Variants in SBNO2 observed in about 807,000 individuals in gnomAD.
SBNO2 encodes the protein strawberry notch homolog 2.
Under a neutral mutation model 146.3 loss-of-function variants are expected in SBNO2, and 89 were observed. The observed-to-expected ratio is 0.61, with a 90% confidence interval of 0.51 to 0.73. SBNO2 has a LOEUF of 0.73. Ranked by LOEUF, SBNO2 falls within the 30% of genes least tolerant of loss-of-function variation. The pLI, the probability that SBNO2 is intolerant of heterozygous loss-of-function variation, is 0.00. For missense variants in SBNO2, 2,092 were observed against 2,003.7 expected, an observed-to-expected ratio of 1.04 and a Z score of -0.84; for synonymous variants, 1,147 against 892.6, an observed-to-expected ratio of 1.29 and a Z score of -5.08.
chr19:1,109,096 C>G lies in SBNO2; in HGVS notation c.3425+39G>C. 1 of 1,544,172 alleles carries G rather than the reference C, an allele frequency of 6.5e-7. No homozygotes were observed. The highest frequency in any genetic ancestry group is 8.7e-7 in the Non-Finnish European group (1 of 1,144,310). ...CCCCGATCCCCGCCTGGGTCGCCGC[C>G]ATCTGCCGGTTTCCCCCTGGTCCCC... On this transcript the variant is annotated intron_variant, in intron 30 of 31. Transcript: ENST00000361757. This position sits in a 1 kb window ranked among gnomAD's most constrained non-coding sequence, Gnocchi z 4.2.
chr19:1,122,857 G>A (rs779450603), intron 8 of SBNO2, 37 bp downstream of exon 8: 11 of 1,538,524 alleles, frequency 7.1e-6, no homozygotes, highest in Middle Eastern at 1.7e-4. Context: ...GGGGCCTCGC[G>A]GACACAGGCT....
At chr19:1,113,353 C>A (rs2079790460) in intron 19 of SBNO2, among the ~76,000 whole-genome samples, 182 bp downstream of exon 19, 1 of 152,156 alleles carries the variant, frequency 6.6e-6, no homozygotes, top group Admixed American at 6.5e-5. Flanking sequence ...GAGGTCGTGG[C>A]CTCCCGGGCC....
intron 2 of SBNO2, among the ~76,000 whole-genome samples, chr19:1,153,243 T>G (rs1019258032): frequency 1.3e-5 from 2 of 151,536 alleles, no homozygotes; most frequent in African/African-American, 2.4e-5. Flanking sequence ...TAAAAATTTT[T>G]TTTTTTCTTT....
chr19:1,132,040 C>T (rs1297270746), intron 4 of SBNO2: 2 of 1,424,246 alleles, frequency 1.4e-6, no homozygotes, highest in South Asian at 2.6e-5. Context: ...GTCCCACCTC[C>T]CAGACCCCTG....
rs1193293852 is a variant in SBNO2 at position 1,163,283 on chromosome 19, A to C, written c.-126-8881T>G. On this transcript the variant is annotated intron_variant, in intron 1 of 31. Coordinates refer to ENST00000361757, the MANE Select transcript of SBNO2 (RefSeq NM_014963.3). ...GGAACGTGGACACCCACACATCGGGAGACGGCCGCATGGAGACGGAGCAGA... is the reference window on the plus strand; with the variant it reads ...GGAACGTGGACACCCACACATCGGGCGACGGCCGCATGGAGACGGAGCAGA... 3.9e-5 allele frequency among the ~76,000 whole-genome samples: 6 copies of C among 152,320 alleles called. No homozygotes were observed. The South Asian group carries it at 1.2e-3, about 32-fold the overall frequency.
intron 14 of SBNO2, 76 bp downstream of exon 14, chr19:1,118,935 G>A: frequency 6.9e-7 from 1 of 1,454,982 alleles, no homozygotes; most frequent in East Asian, 2.5e-5. Context: ...GACGCCTGTG[G>A]CATCTGCAAG....
At chr19:1,127,262 C>A (rs2079975639) in intron 5 of SBNO2, among the ~76,000 whole-genome samples, 1 of 152,214 alleles carries the variant, frequency 6.6e-6, no homozygotes, top group Non-Finnish European at 1.5e-5. Context: ...ACCAGGGACT[C>A]CCCGGGTGCG....
chr19:1,132,023 G>C (rs1387108923), intron 4 of SBNO2: 7 of 1,291,376 alleles, frequency 5.4e-6, no homozygotes, highest in Non-Finnish European at 7.2e-6. Flanking sequence ...CGGCCGTCCT[G>C]AATGGGGTCC....
rs746730992 is a variant in SBNO2 at position 1,113,573 on chromosome 19, G to T, written c.2209C>A (p.Leu737Ile). 6.2e-7 allele frequency: 1 copy of T among 1,601,714 alleles called. No homozygotes were observed. Among genetic ancestry groups the T allele is most frequent in the Non-Finnish European group, 8.5e-7 (1 of 1,175,544 alleles). ...TGGGGGCCGCCCAGCTGGTCGATGAGCTCGTCCAGGGTGTTGACTGGCAGT... is the reference window on the plus strand; with the variant it reads ...TGGGGGCCGCCCAGCTGGTCGATGATCTCGTCCAGGGTGTTGACTGGCAGT... ...RELPVNTLDE[L>I]IDQLGGPQRV... The change falls in exon 19 of 32, where the codon CTC becomes ATC. Residue 737 changes from leucine (L) to isoleucine (I), a missense_variant. Coordinates refer to ENST00000361757, the MANE Select transcript of SBNO2 (RefSeq NM_014963.3).
chr19:1,132,289 C>T (rs1009862881), intron 4 of SBNO2: 281 of 1,310,922 alleles, frequency 2.1e-4, no homozygotes, highest in Non-Finnish European at 2.6e-4. Context: ...TAGTCACCGC[C>T]GCCGGCGCCT....
chr19:1,118,661 G>C (rs1464056652), intron 14 of SBNO2, among the ~76,000 whole-genome samples: 4 of 152,216 alleles, frequency 2.6e-5, no homozygotes, highest in Non-Finnish European at 5.9e-5. Flanking sequence ...TTGCGGTCAG[G>C]AGTTTGAAAC....
chr19:1,158,557 C>T lies in SBNO2; in HGVS notation c.-126-4155G>A, dbSNP rs1599876244. Among the ~76,000 whole-genome samples, 1 of 152,232 alleles carries T rather than the reference C, an allele frequency of 6.6e-6. No individual in the cohort carries two copies. Among genetic ancestry groups the T allele is most frequent in the Non-Finnish European group, 1.5e-5 (1 of 68,032 alleles). On this transcript the variant is annotated intron_variant, in intron 1 of 31. Transcript: ENST00000361757. This position sits in a 1 kb window ranked among gnomAD's most constrained non-coding sequence, Gnocchi z 9.9. ...TCCGCCCAGGCCCGGGTTCTGGTCT[C>T]CTGGCACACCCGGCAGCATCTCAAG...
intron 24 of SBNO2, 22 bp downstream of exon 24, chr19:1,111,484 G>C (rs1168595187): frequency 2.0e-6 from 3 of 1,502,712 alleles, no homozygotes; most frequent in Non-Finnish European, 2.7e-6. Flanking sequence ...CTCCCAGGAA[G>C]ACCCCCACCA....
chr19:1,127,455 C>T, intron 5 of SBNO2, 149 bp downstream of exon 5: 1 of 756,410 alleles, frequency 1.3e-6, no homozygotes, highest in Non-Finnish European at 2.2e-6. Context: ...ACCACCTCAT[C>T]CATGGCCACA....
chr19:1,160,563 G>A (rs376874645), intron 1 of SBNO2, among the ~76,000 whole-genome samples: 45 of 152,196 alleles, frequency 3.0e-4, no homozygotes, highest in African/African-American at 1.0e-3. Context: ...TCGCCTCCTG[G>A]GTTCCAGTGA....
Position 1,144,757 on chromosome 19 carries a change from CAGAG to C in SBNO2, c.279+2548_279+2551del, listed in dbSNP as rs911730374. Among the ~76,000 whole-genome samples, 1 of 143,390 alleles carries C rather than the reference CAGAG, an allele frequency of 7.0e-6. No individual in the cohort carries two copies. Among genetic ancestry groups the C allele is most frequent in the Non-Finnish European group, 1.5e-5 (1 of 65,728 alleles). 94.1% of individuals were successfully genotyped at this position (143,390 alleles called of 152,430 possible). A position where few individuals can be genotyped will look rare whatever the true frequency, so the allele number is the denominator to read the frequency against. On this transcript the variant is annotated intron_variant, in intron 4 of 31. Coordinates refer to ENST00000361757, the MANE Select transcript of SBNO2 (RefSeq NM_014963.3). The surrounding 1 kb of genome is among the most constrained non-coding windows in gnomAD (Gnocchi z 4.1). ...ACAAAGAGACAGGTGGAGAGGGAGA[CAGAG>C]AGACAGAGGCAGAGACAAAGAGACA...
At position 1,109,321 on chromosome 19, in the gene SBNO2, G is replaced by A; in HGVS notation, c.3319C>T (p.Leu1107=). The A allele has an allele frequency of 8.8e-6, 14 of 1,597,188 alleles. No homozygotes were observed. Among genetic ancestry groups the A allele is most frequent in the Non-Finnish European group, 1.0e-5 (12 of 1,173,186 alleles). ...NIGRQSQLEA[L]DSLRRKFHRV... ...TGGAACTTGCGGCGGAGGCTGTCCA[G>A]GGCCTCCAGCTGGCTCTGCCGGCCG... Residue 1107 remains leucine (L), a synonymous_variant, in exon 29 of 32, where the codon CTG becomes TTG. Coordinates refer to ENST00000361757, the MANE Select transcript of SBNO2 (RefSeq NM_014963.3). The surrounding 1 kb of genome is among the most constrained non-coding windows in gnomAD (Gnocchi z 4.2).
At position 1,108,128 on chromosome 19, in the gene SBNO2, A is replaced by C. The variant is rs560017822; in HGVS notation, c.*92T>G. 6.6e-4 allele frequency: 872 copies of C among 1,325,960 alleles called. 8 individuals are homozygous for C. In the African/African-American group the frequency reaches 0.012, roughly 19 times the overall value. 82.1% of individuals were successfully genotyped at this position (1,325,960 alleles called of 1,614,324 possible). Reference sequence around the variant, plus strand: ...GCCAGGGCCTAGGGCTCCTCTGAGCAGTGGTCAGGGGACCTTGGCCCTGCT... The same window carrying C: ...GCCAGGGCCTAGGGCTCCTCTGAGCCGTGGTCAGGGGACCTTGGCCCTGCT... On this transcript the variant is annotated 3_prime_UTR_variant, in exon 32 of 32. Coordinates refer to ENST00000361757, the MANE Select transcript of SBNO2 (RefSeq NM_014963.3).
chr19:1,157,778 C>T lies in SBNO2; in HGVS notation c.-126-3376G>A, dbSNP rs1262806891. Among the ~76,000 whole-genome samples, 2 of 152,144 alleles carry T rather than the reference C, an allele frequency of 1.3e-5. No homozygotes were observed. Among genetic ancestry groups the T allele is most frequent in the East Asian group, 1.9e-4 (1 of 5,194 alleles). ...GACAGGACCAAGATCCGGGAGAATC[C>T]GAGGAACCGGGTAACTGTGTCCGCC... On this transcript the variant is annotated intron_variant, in intron 1 of 31. Coordinates refer to ENST00000361757, the MANE Select transcript of SBNO2 (RefSeq NM_014963.3). This position sits in a 1 kb window ranked among gnomAD's most constrained non-coding sequence, Gnocchi z 6.8.
Sources: gnomAD v4.1 joint callset for allele counts (sites outside exome capture counted in the v4.1 genomes callset) on GRCh38, gnomAD v4.1.1 for gene constraint, Gnocchi (gnomAD v3.1) non-coding constraint, MANE v1.5 for transcripts, NCBI Gene and HGNC (gene_info 2026-07-23, HGNC 2026-07-21) for gene names.